The following MAP3K20 variants were observed in gnomAD, a reference collection of about 807,000 sequenced individuals.
MAP3K20 encodes HCCS-4.
A neutral mutation model predicts 85.7 loss-of-function variants in MAP3K20; 40 were observed. The observed-to-expected ratio is 0.47, with a 90% CI of 0.36 to 0.61. The LOEUF (loss-of-function observed/expected upper bound fraction) is 0.61, where lower values mean the gene tolerates loss of function less well. Ranked by LOEUF, MAP3K20 falls within the 20% of genes least tolerant of loss-of-function variation. MAP3K20 has a pLI of 0.00. For missense variants in MAP3K20, 817 were observed against 961.7 expected (o/e 0.85, Z 1.99); for synonymous variants, 325 against 327.7 (o/e 0.99, Z 0.09).
intron 10 of MAP3K20, chr2:173,211,918 A>T (rs1683909406): frequency 6.6e-6 from 1 of 152,206 alleles, no homozygotes. Flanking sequence ...CGTCTCAAAA[A>T]AAAAGAAGTA....
chr2:173,227,074 A>G, intron 11 of MAP3K20: 1 of 985,796 alleles, frequency 1.0e-6, no homozygotes, highest in Non-Finnish European at 1.2e-6. Flanking sequence ...CATACATTTC[A>G]TTTTGATGTG....
intron 2 of MAP3K20, among the ~76,000 whole-genome samples, chr2:173,117,354 A>G (rs1435552497): frequency 6.6e-6 from 1 of 152,074 alleles, no homozygotes; most frequent in African/African-American, 2.4e-5. Context: ...TCACGGCTCA[A>G]TGTAGCCTCA....
chr2:173,102,774 A>G (rs2106162230), intron 2 of MAP3K20, among the ~76,000 whole-genome samples: 1 of 152,346 alleles, frequency 6.6e-6, no homozygotes, highest in East Asian at 1.9e-4. Flanking sequence ...CAGTGCTTCC[A>G]TTAGTCGGAA....
intron 4 of MAP3K20, among the ~76,000 whole-genome samples, chr2:173,183,963 T>A (rs1023629311): frequency 9.9e-5 from 15 of 152,120 alleles, no homozygotes; most frequent in Admixed American, 2.6e-4. Flanking sequence ...TGAAAAAAAA[T>A]TTTTTTTGAG....
At chr2:173,126,708 G>T (rs905697373) in intron 2 of MAP3K20, among the ~76,000 whole-genome samples, 1 of 152,190 alleles carries the variant, frequency 6.6e-6, no homozygotes, top group Non-Finnish European at 1.5e-5. Context: ...AAGAGAATAT[G>T]CATTTCTTAT....
At chr2:173,169,398 G>GC (rs538951894) in intron 2 of MAP3K20, among the ~76,000 whole-genome samples, 66 of 152,106 alleles carry the variant, frequency 4.3e-4, no homozygotes, top group African/African-American at 1.5e-3. Context: ...TATTTGTTGG[G>GC]CACATATATA....
intron 11 of MAP3K20, chr2:173,227,172 TATA>T (rs2106327352): frequency 2.0e-6 from 2 of 975,964 alleles, no homozygotes; most frequent in African/African-American, 3.5e-5. Flanking sequence ...TTGCTGTGTA[TATA>T]AGATCCCTGT....
chr2:173,095,406 AC>A (rs55947521), intron 2 of MAP3K20, among the ~76,000 whole-genome samples: 40,934 of 152,008 alleles, frequency 0.27, 6,835 homozygotes, highest in Non-Finnish European at 0.37. Flanking sequence ...TTTACTTTAG[AC>A]TTTTTTAAAA....
chr2:173,081,703 G>A (rs1687019114), intron 1 of MAP3K20, among the ~76,000 whole-genome samples: 2 of 152,182 alleles, frequency 1.3e-5, no homozygotes, highest in Admixed American at 6.5e-5. Context: ...AGAAATTGAA[G>A]AAGATGGCCA....
intron 3 of MAP3K20, among the ~76,000 whole-genome samples, chr2:173,175,310 A>C (rs1382402212): frequency 2.0e-5 from 3 of 152,196 alleles, no homozygotes; most frequent in African/African-American, 4.8e-5. Context: ...ACAGGACTGC[A>C]GTTGCCATCT....
At chr2:173,222,947 G>T in intron 11 of MAP3K20, 2 of 985,356 alleles carry the variant, frequency 2.0e-6, no homozygotes, top group Non-Finnish European at 2.4e-6. Flanking sequence ...TTAGAAAGGA[G>T]TGTCATTATT....
intron 16 of MAP3K20, among the ~76,000 whole-genome samples, chr2:173,248,785 A>C (rs1453678414): frequency 1.3e-5 from 2 of 152,178 alleles, no homozygotes; most frequent in East Asian, 3.8e-4. Flanking sequence ...GGCTGTAAGC[A>C]ATCAGCTCAT....
At chr2:173,261,687 A>C (rs1406644355) in intron 18 of MAP3K20, among the ~76,000 whole-genome samples, 2 of 152,182 alleles carry the variant, frequency 1.3e-5, no homozygotes, top group Non-Finnish European at 2.9e-5. Flanking sequence ...AGGTGCTTAC[A>C]CCAGTTTGAT....
chr2:173,151,282 A>T (rs1167434242), intron 2 of MAP3K20, among the ~76,000 whole-genome samples: 1 of 152,228 alleles, frequency 6.6e-6, no homozygotes, highest in Non-Finnish European at 1.5e-5. Context: ...TCACCTTGGA[A>T]GCTGGGAAGC....
intron 12 of MAP3K20, 104 bp downstream of exon 12, chr2:173,229,837 G>T: frequency 7.7e-7 from 1 of 1,292,638 alleles, no homozygotes; most frequent in South Asian, 1.2e-5. Context: ...AGTCTAACTA[G>T]GAGAGGTTGA....
intron 9 of MAP3K20, 115 bp downstream of exon 9, chr2:173,203,985 T>A: frequency 1.1e-6 from 1 of 921,384 alleles, no homozygotes; most frequent in Non-Finnish European, 1.7e-6. Flanking sequence ...GGATTGATGC[T>A]CCTATGAGCC....
intron 7 of MAP3K20, among the ~76,000 whole-genome samples, chr2:173,193,659 A>C (rs1295178722): frequency 1.3e-5 from 2 of 152,176 alleles, no homozygotes; most frequent in East Asian, 3.9e-4. Flanking sequence ...AAATCTCTTC[A>C]TACATTCCAC....
rs146437199 is a variant in MAP3K20 at position 173,088,940 on chromosome 2, T to C, written c.-34-2058T>C. ...TATGTGGAGTGTATCTTCTAAACTT[T>C]AGAGGATGAACAAATAACCCTTCCT... On this transcript the variant is annotated intron_variant, in intron 1 of 19. Coordinates refer to ENST00000375213, the MANE Select transcript of MAP3K20 (RefSeq NM_016653.3). 5.3e-5 allele frequency among the ~76,000 whole-genome samples: 8 copies of C among 152,344 alleles called. No individual in the cohort carries two copies. In the East Asian group the frequency reaches 5.8e-4, roughly 11 times the overall value.
chr2:173,202,988 G>A (rs917521623), intron 8 of MAP3K20, among the ~76,000 whole-genome samples: 2 of 152,168 alleles, frequency 1.3e-5, no homozygotes, highest in Admixed American at 1.3e-4. Context: ...TTCATTGTTT[G>A]CTTGTTTTAC....
Sources: gnomAD v4.1 joint callset for allele counts (sites outside exome capture counted in the v4.1 genomes callset) on GRCh38, gnomAD v4.1.1 for gene constraint, MANE v1.5 for transcripts, NCBI Gene and HGNC (gene_info 2026-07-23, HGNC 2026-07-21) for gene names.